Variants in DAB1 observed in about 807,000 individuals in gnomAD.
DAB1 encodes DAB adaptor protein 1, also known as disabled homolog 1.
A neutral mutation model predicts 64.6 loss-of-function variants in DAB1; 15 were observed. The ratio of observed to expected loss-of-function variants is 0.23; its 90% CI spans 0.16 to 0.36. The LOEUF (loss-of-function observed/expected upper bound fraction) is 0.36. DAB1 is among the 10% of genes least tolerant of loss of function. The pLI is 1.00. For missense variants in DAB1, 596 were observed against 706.7 expected (o/e 0.84, Z 1.78); for synonymous variants, 235 against 251.9 (o/e 0.93, Z 0.64).
intron 4 of DAB1, among the ~76,000 whole-genome samples, chr1:58,331,629 A>T (rs554582234): frequency 6.6e-6 from 1 of 152,374 alleles, no homozygotes; most frequent in East Asian, 1.9e-4. Context: ...GTTAGCAGTC[A>T]TCAACATCAA....
At chr1:57,081,080 T>C (rs1652490934) in intron 4 of DAB1, among the ~76,000 whole-genome samples, 1 of 152,160 alleles carries the variant, frequency 6.6e-6, no homozygotes, top group Admixed American at 6.5e-5. Context: ...TATTGTGCTG[T>C]CCTGTCCCCA....
intron 7 of DAB1, among the ~76,000 whole-genome samples, chr1:57,603,814 C>G (rs1275678394): frequency 6.6e-6 from 1 of 152,182 alleles, no homozygotes; most frequent in Admixed American, 6.5e-5. Flanking sequence ...CTGACACACC[C>G]CTTTCAAAGT....
chr1:57,896,139 C>T (rs781554438), intron 5 of DAB1, among the ~76,000 whole-genome samples: 5 of 152,146 alleles, frequency 3.3e-5, no homozygotes, highest in Non-Finnish European at 2.9e-5. Context: ...CCCTGTTTTA[C>T]AACCTATAGG....
At chr1:57,112,338 G>A (rs966681035) in intron 4 of DAB1, among the ~76,000 whole-genome samples, 7 of 152,144 alleles carry the variant, frequency 4.6e-5, no homozygotes, top group African/African-American at 1.7e-4. Flanking sequence ...AGTGCATGCA[G>A]GGAAGCTTAT....
chr1:57,844,723 G>A (rs1377915130), intron 1 of DAB1, among the ~76,000 whole-genome samples: 2 of 152,186 alleles, frequency 1.3e-5, no homozygotes, highest in Non-Finnish European at 2.9e-5. Context: ...GCTCAGAGAG[G>A]TCAAGGGACA....
chr1:57,538,089 T>G (rs76717919), intron 7 of DAB1, among the ~76,000 whole-genome samples: 3,401 of 152,216 alleles, frequency 0.022, 138 homozygotes, highest in African/African-American at 0.077. Context: ...CCTGCAACAC[T>G]GGGATCAAAT....
intron 6 of DAB1, among the ~76,000 whole-genome samples, chr1:57,806,818 G>A (rs140188525): frequency 1.4e-3 from 207 of 151,982 alleles, no homozygotes; most frequent in Non-Finnish European, 2.6e-3. Context: ...TCCCTAATAC[G>A]TCCCACTTCC....
chr1:57,632,761 T>A (rs1570690294), intron 7 of DAB1, among the ~76,000 whole-genome samples: 1 of 152,090 alleles, frequency 6.6e-6, no homozygotes, highest in East Asian at 1.9e-4. Context: ...TAGAATGGAG[T>A]AAAATAACAG....
intron 5 of DAB1, among the ~76,000 whole-genome samples, chr1:58,038,933 A>G (rs1474866845): frequency 1.3e-5 from 2 of 152,072 alleles, no homozygotes; most frequent in African/African-American, 4.8e-5. Context: ...AGACCATCAT[A>G]TGTACGTTCG....
chr1:57,364,215 C>T (rs1679784193), intron 1 of DAB1, among the ~76,000 whole-genome samples: 1 of 152,098 alleles, frequency 6.6e-6, no homozygotes, highest in South Asian at 2.1e-4. Context: ...AGCACTGTCC[C>T]AACTTTGGGG....
intron 1 of DAB1, among the ~76,000 whole-genome samples, chr1:57,361,502 G>T (rs1006777905): frequency 6.6e-6 from 1 of 152,092 alleles, no homozygotes; most frequent in South Asian, 2.1e-4. Flanking sequence ...TTGTTCATCT[G>T]CATCCTTTGC....
chr1:58,141,506 A>C (rs1654285734), intron 5 of DAB1, among the ~76,000 whole-genome samples: 1 of 152,096 alleles, frequency 6.6e-6, no homozygotes, highest in African/African-American at 2.4e-5. Flanking sequence ...ACACAGCCAA[A>C]CCACATCAGA....
chr1:57,701,658 T>C (rs1302646845), intron 6 of DAB1, among the ~76,000 whole-genome samples: 40 of 151,684 alleles, frequency 2.6e-4, no homozygotes, highest in Non-Finnish European at 4.9e-4. Context: ...CAAACCTGCA[T>C]GTTGTGCATA....
chr1:57,350,160 G>T (rs1368837216), intron 1 of DAB1, among the ~76,000 whole-genome samples: 1 of 152,164 alleles, frequency 6.6e-6, no homozygotes, highest in Non-Finnish European at 1.5e-5. Context: ...TCTGTGATAA[G>T]TTAAATATGT....
intron 1 of DAB1, among the ~76,000 whole-genome samples, chr1:57,293,384 A>G (rs1391843258): frequency 2.0e-5 from 3 of 152,180 alleles, no homozygotes; most frequent in Admixed American, 6.6e-5. Context: ...TGATTTGAGG[A>G]AGTTACTCAA....
At chr1:58,375,710 G>A (rs1644317741) in intron 3 of DAB1, among the ~76,000 whole-genome samples, 1 of 141,244 alleles carries the variant, frequency 7.1e-6, no homozygotes, top group South Asian at 2.3e-4. Context: ...ATGAGTTAGG[G>A]AGGATTCCCT....
chr1:57,594,838 G>T (rs1469658724), intron 7 of DAB1, among the ~76,000 whole-genome samples: 2 of 152,198 alleles, frequency 1.3e-5, no homozygotes, highest in African/African-American at 4.8e-5. Context: ...AGCCTCCCGA[G>T]TAGCTGGGAC....
rs111244907 is a variant in DAB1, at chr1:58,411,749, C to T, written n.258-68346G>A. 3.0e-3 allele frequency among the ~76,000 whole-genome samples: 452 copies of T among 152,290 alleles called. 2 individuals are homozygous for T. The highest frequency in any genetic ancestry group is 0.01 in the African/African-American group (425 of 41,562). Reference sequence around the variant, plus strand: ...TAGCCACTTCCTTTTCAGAGAGCTCCATTATGGAAAATCCTTTCTGTCTGA... The same window carrying T: ...TAGCCACTTCCTTTTCAGAGAGCTCTATTATGGAAAATCCTTTCTGTCTGA... On this transcript the variant is annotated intron_variant and non_coding_transcript_variant, in intron 3 of 20. Coordinates refer to the DAB1 transcript ENST00000485760.
intron 1 of DAB1, among the ~76,000 whole-genome samples, chr1:57,857,245 T>C (rs1040943048): frequency 1.3e-5 from 2 of 152,168 alleles, no homozygotes; most frequent in African/African-American, 2.4e-5. Context: ...AACTCACTTC[T>C]CAAAGTGCTG....
Sources: gnomAD v4.1 joint callset for allele counts (sites outside exome capture counted in the v4.1 genomes callset) on GRCh38, gnomAD v4.1.1 for gene constraint, MANE v1.5 for transcripts, NCBI Gene and HGNC (gene_info 2026-07-23, HGNC 2026-07-21) for gene names.